The following FAF2 variants were observed in gnomAD, a reference collection of about 807,000 sequenced individuals.
The protein encoded by FAF2 is FAS-associated factor 2.
FAF2 carries 9 observed loss-of-function variants against 62.3 expected under a neutral mutation model. That is an observed-to-expected ratio of 0.14 (90% confidence interval 0.09 to 0.25). The LOEUF (loss-of-function observed/expected upper bound fraction) is 0.25. FAF2 is among the 10% of genes least tolerant of loss of function. The probability of loss-of-function intolerance (pLI) is 1.00; values close to 1 mark genes in which losing one functional copy is unlikely to be tolerated. For missense variants in FAF2, 368 were observed against 556.2 expected, an observed-to-expected ratio of 0.66 and a Z score of 3.40; for synonymous variants, 202 against 198.0, an observed-to-expected ratio of 1.02 and a Z score of -0.17.
chr5:176,452,678 T>C (rs543489529), intron 1 of FAF2, among the ~76,000 whole-genome samples: 1 of 152,300 alleles, frequency 6.6e-6, no homozygotes, highest in East Asian at 1.9e-4. Flanking sequence ...AAGTGAAGTG[T>C]CTGTGGTGAT....
chr5:176,488,350 T>C (rs1431909556), intron 3 of FAF2, among the ~76,000 whole-genome samples: 1 of 152,234 alleles, frequency 6.6e-6, no homozygotes, highest in East Asian at 1.9e-4. Flanking sequence ...TGGGGAACAT[T>C]AATTTGCAAT....
rs1283806655 is a variant in FAF2, at chr5:176,494,841, C to T, written c.661+566C>T. On this transcript the variant is annotated intron_variant, in intron 7 of 10. Coordinates refer to ENST00000261942, the MANE Select transcript of FAF2 (RefSeq NM_014613.3). The surrounding 1 kb of genome is among the most constrained non-coding windows in gnomAD (Gnocchi z 4.0). ...GGATTACAGGTGTGAGCCACTGTGCCCCGCCATAATTAGCAAGTTGTAGCG... is the reference window on the plus strand; with the variant it reads ...GGATTACAGGTGTGAGCCACTGTGCTCCGCCATAATTAGCAAGTTGTAGCG... 6.6e-6 allele frequency among the ~76,000 whole-genome samples: 1 copy of T among 152,150 alleles called. No individual in the cohort carries two copies. The highest frequency in any genetic ancestry group is 2.4e-5 in the African/African-American group (1 of 41,420).
chr5:176,451,882 ATATATATATAT>A (rs1758188757), intron 1 of FAF2, among the ~76,000 whole-genome samples: 1 of 24,660 alleles, frequency 4.1e-5, no homozygotes. Context: ...ACACATATAT[ATATATATATAT>A]TTTTTTTTTT....
chr5:176,450,804 C>T lies in FAF2; in HGVS notation c.63+2334C>T, dbSNP rs576905497. Among the ~76,000 whole-genome samples the T allele has an allele frequency of 1.1e-4, 17 of 152,220 alleles. No homozygotes were observed. The South Asian group carries it at 1.9e-3, about 17-fold the overall frequency. On this transcript the variant is annotated intron_variant, in intron 1 of 10. Transcript: ENST00000261942. ...TCTTGACCTCGTGATCCGCCCTCCTCGGCTGGGATTACAGGCGTGAGCCGC... is the reference window on the plus strand; with the variant it reads ...TCTTGACCTCGTGATCCGCCCTCCTTGGCTGGGATTACAGGCGTGAGCCGC...
chr5:176,467,321 C>CT (rs566986340), intron 1 of FAF2, among the ~76,000 whole-genome samples: 539 of 151,678 alleles, frequency 3.6e-3, no homozygotes, highest in Middle Eastern at 6.8e-3. Flanking sequence ...TGTCAGTAGA[C>CT]TTTTTTTGGT....
At chr5:176,503,959 C>T (rs1193322081) in intron 10 of FAF2, among the ~76,000 whole-genome samples, 7 of 151,736 alleles carry the variant, frequency 4.6e-5, no homozygotes, top group Admixed American at 6.6e-5. Context: ...GCCAGGAGTT[C>T]GAGACCAGCC....
At position 176,490,227 on chromosome 5, in the gene FAF2, C is replaced by G. The variant is rs571828153; in HGVS notation, c.344+1200C>G. Among the ~76,000 whole-genome samples, 37 of 151,510 alleles carry G rather than the reference C, an allele frequency of 2.4e-4. No individual in the cohort carries two copies. The South Asian group carries it at 7.5e-3, about 31-fold the overall frequency. The stretch of plus-strand genomic sequence containing the variant: ...TCAGGAGGCTGAGGCAGGAGAATGG[C>G]GTGAACCCGGGAGGCGGAGCTTGCA... On this transcript the variant is annotated intron_variant, in intron 4 of 10. Transcript: ENST00000261942.
chr5:176,493,434 C>G (rs971653061), intron 5 of FAF2, among the ~76,000 whole-genome samples: 2 of 152,186 alleles, frequency 1.3e-5, no homozygotes, highest in Non-Finnish European at 2.9e-5. Context: ...CTCAGGAGCA[C>G]GCACATGCAG....
chr5:176,448,517 G>A (rs745573842), intron 1 of FAF2, 47 bp downstream of exon 1: 21 of 1,547,292 alleles, frequency 1.4e-5, no homozygotes, highest in Non-Finnish European at 1.5e-5. Context: ...GGGATGGGGA[G>A]TAGGCCCCTA....
chr5:176,461,720 T>C (rs1384599800), intron 1 of FAF2, among the ~76,000 whole-genome samples: 2 of 152,040 alleles, frequency 1.3e-5, no homozygotes, highest in Non-Finnish European at 2.9e-5. Context: ...TTTGTCAGAT[T>C]CATAGTTTGC....
intron 4 of FAF2, among the ~76,000 whole-genome samples, chr5:176,490,154 AC>A (rs1194756683): frequency 1.3e-5 from 2 of 152,048 alleles, no homozygotes; most frequent in Non-Finnish European, 2.9e-5. Flanking sequence ...TACTAAAAAT[AC>A]AAAAAATTAG....
chr5:176,491,019 G>A (rs947236211), intron 4 of FAF2, among the ~76,000 whole-genome samples: 5 of 152,100 alleles, frequency 3.3e-5, no homozygotes, highest in South Asian at 2.1e-4. Context: ...TTGATTACTC[G>A]GGAGAAATTC....
At chr5:176,467,627 T>C (rs1758493848) in intron 1 of FAF2, among the ~76,000 whole-genome samples, 1 of 152,220 alleles carries the variant, frequency 6.6e-6, no homozygotes, top group African/African-American at 2.4e-5. Flanking sequence ...TAGATCTTAA[T>C]GTAAACCAGA....
chr5:176,458,408 C>CCTTTTT (rs1554131341), intron 1 of FAF2, among the ~76,000 whole-genome samples: 2 of 86,364 alleles, frequency 2.3e-5, no homozygotes, highest in African/African-American at 9.0e-5. Context: ...CTTTTTCTTC[C>CCTTTTT]TTTTTTTTTT....
chr5:176,486,389 G>T lies in FAF2; in HGVS notation c.167G>T (p.Gly56Val). 1 of 1,614,180 alleles carries T rather than the reference G, an allele frequency of 6.2e-7. No homozygotes were observed. The highest frequency in any genetic ancestry group is 8.5e-7 in the Non-Finnish European group (1 of 1,180,020). ...AVQDRLNEQE[G>V]VPSVFNPPPS... ...CAGGACAGATTGAATGAGCAAGAGG[G>T]CGTACCTAGTGTTTTCAACCCACCT... The change falls in exon 3 of 11, where the codon GGC becomes GTC. Residue 56 changes from glycine (G) to valine (V), a missense_variant. By Grantham distance (109) the Gly-to-Val change is moderately radical. Coordinates refer to ENST00000261942, the MANE Select transcript of FAF2 (RefSeq NM_014613.3).
At chr5:176,461,503 T>A (rs34152523) in intron 1 of FAF2, among the ~76,000 whole-genome samples, 66,982 of 150,854 alleles carry the variant, frequency 0.44, 15,084 homozygotes, top group Admixed American at 0.47. Context: ...ATTTTATTTT[T>A]TTTTTTTAGA....
intron 1 of FAF2, among the ~76,000 whole-genome samples, chr5:176,453,953 G>T (rs1487330674): frequency 2.0e-5 from 3 of 151,610 alleles, no homozygotes; most frequent in Non-Finnish European, 4.4e-5. Flanking sequence ...CTACTCGGAA[G>T]GCTAAGGCAG....
chr5:176,499,881 G>A (rs1370756302), intron 9 of FAF2, 122 bp from the exon 10 acceptor site: 2 of 1,148,926 alleles, frequency 1.7e-6, no homozygotes, highest in African/African-American at 1.5e-5. Context: ...GACTATTCCT[G>A]AGAGGTTTTT....
chr5:176,460,192 A>G (rs150230366), intron 1 of FAF2, among the ~76,000 whole-genome samples: 9 of 152,306 alleles, frequency 5.9e-5, no homozygotes, highest in South Asian at 2.1e-4. Flanking sequence ...TGTGATCAAC[A>G]TATGAGTGTG....
Sources: gnomAD v4.1 joint callset for allele counts (sites outside exome capture counted in the v4.1 genomes callset) on GRCh38, gnomAD v4.1.1 for gene constraint, Gnocchi (gnomAD v3.1) non-coding constraint, MANE v1.5 for transcripts, NCBI Gene and HGNC (gene_info 2026-07-23, HGNC 2026-07-21) for gene names.